PPARGC1A: variants seen among roughly 807,000 people sequenced by gnomAD.
The protein encoded by PPARGC1A is PPARG coactivator 1 alpha, also known as peroxisome proliferator-activated receptor gamma coactivator 1-alpha.
PPARGC1A carries 25 observed loss-of-function variants against 88.7 expected under a neutral mutation model. The observed-to-expected ratio is 0.28, with a 90% CI of 0.21 to 0.39. PPARGC1A has a LOEUF of 0.39. PPARGC1A is among the 10% of genes least tolerant of loss of function. The pLI is 1.00. For synonymous variants in PPARGC1A, 363 were observed against 355.6 expected (o/e 1.02, Z -0.24); for missense variants, 880 against 968.7 (o/e 0.91, Z 1.22).
At chr4:24,468,762 C>T in the PPARGC1A span, among the ~76,000 whole-genome samples, 1 of 152,096 alleles carries the variant, frequency 6.6e-6, no homozygotes, top group Admixed American at 6.5e-5. Flanking sequence ...CAAGAAGCTC[C>T]ATCTTCATTA....
At chr4:24,290,836 T>C in the PPARGC1A span, among the ~76,000 whole-genome samples, 1 of 152,206 alleles carries the variant, frequency 6.6e-6, no homozygotes, top group Admixed American at 6.5e-5. Context: ...TTGAAATCCA[T>C]CCTAGGTGAC....
chr4:23,876,389 G>A lies in PPARGC1A; in HGVS notation c.234+8363C>T, dbSNP rs115669583. On this transcript the variant is annotated intron_variant, in intron 2 of 12. Transcript: ENST00000264867. Reference sequence around the variant, plus strand: ...TCAAGAATAAAAATGAAGTATAACTGGTAGCAGTAGACTATTTCCTAAATG... The same window carrying A: ...TCAAGAATAAAAATGAAGTATAACTAGTAGCAGTAGACTATTTCCTAAATG... Among the ~76,000 whole-genome samples the A allele has an allele frequency of 8.2e-4, 125 of 152,296 alleles. 2 individuals are homozygous for A. The highest frequency in any genetic ancestry group is 2.8e-3 in the African/African-American group (115 of 41,546).
the PPARGC1A span, among the ~76,000 whole-genome samples, chr4:24,424,258 CTTTTTTTTTTTTTTTTTTT>C: frequency 1.4e-4 from 6 of 44,316 alleles, no homozygotes; most frequent in South Asian, 1.3e-3. Context: ...TATACACACA[CTTTTTTTTTTTTTTTTTTT>C]TTTTTTTTTT....
At chr4:24,135,243 G>A in the PPARGC1A span, among the ~76,000 whole-genome samples, 7 of 152,248 alleles carry the variant, frequency 4.6e-5, no homozygotes, top group Non-Finnish European at 5.9e-5. Context: ...TCTCTGTGAG[G>A]AGCCATCCTG....
the PPARGC1A span, among the ~76,000 whole-genome samples, chr4:23,913,758 T>C: frequency 6.6e-6 from 1 of 152,166 alleles, no homozygotes; most frequent in Non-Finnish European, 1.5e-5. Context: ...GGTGGGAATT[T>C]TTTTTTTCTT....
upstream of PPARGC1A, among the ~76,000 whole-genome samples, chr4:23,906,763 T>C (rs1720100485): frequency 6.6e-6 from 1 of 152,236 alleles, no homozygotes; most frequent in South Asian, 2.1e-4. Context: ...CCAACAGATA[T>C]TTTGCAGCCC....
At chr4:24,250,350 T>G in the PPARGC1A span, among the ~76,000 whole-genome samples, 1 of 152,226 alleles carries the variant, frequency 6.6e-6, no homozygotes, top group Non-Finnish European at 1.5e-5. Flanking sequence ...AAGGTAAATC[T>G]GCAAATTTAA....
intron 2 of PPARGC1A, among the ~76,000 whole-genome samples, chr4:23,847,883 A>G (rs1487901073): frequency 6.6e-6 from 1 of 152,226 alleles, no homozygotes; most frequent in Non-Finnish European, 1.5e-5. Context: ...TGAGCATTTT[A>G]TTCTTAAAAA....
the PPARGC1A span, among the ~76,000 whole-genome samples, chr4:24,349,699 G>C: frequency 0.38 from 57,985 of 152,016 alleles, 11,193 homozygotes; most frequent in Middle Eastern, 0.43. Context: ...GGCAAGAGGG[G>C]CGTGAAAACT....
At chr4:24,416,377 A>C in the PPARGC1A span, among the ~76,000 whole-genome samples, 4 of 152,164 alleles carry the variant, frequency 2.6e-5, no homozygotes, top group African/African-American at 9.7e-5. Flanking sequence ...GTGCAAAATG[A>C]ATTTGCCAGG....
chr4:24,194,729 T>C, the PPARGC1A span, among the ~76,000 whole-genome samples: 3 of 152,036 alleles, frequency 2.0e-5, no homozygotes, highest in South Asian at 6.2e-4. Flanking sequence ...GGTGCAGATA[T>C]GTCTTAAAAT....
chr4:23,829,350 GA>G, intron 4 of PPARGC1A, 112 bp downstream of exon 4: 1 of 1,139,008 alleles, frequency 8.8e-7, no homozygotes, highest in South Asian at 1.5e-5. Flanking sequence ...TCATCATTAT[GA>G]GGCAGCTTCG....
the PPARGC1A span, among the ~76,000 whole-genome samples, chr4:24,196,659 C>G: frequency 6.6e-6 from 1 of 152,174 alleles, no homozygotes; most frequent in Non-Finnish European, 1.5e-5. Context: ...GGAGGTTAAG[C>G]ATTTCCTAAG....
intron 10 of PPARGC1A, among the ~76,000 whole-genome samples, chr4:23,805,748 G>A (rs886249650): frequency 2.6e-5 from 4 of 151,970 alleles, no homozygotes; most frequent in African/African-American, 7.3e-5. Context: ...TTTTTTTAAT[G>A]AGCCTTTTAG....
chr4:24,274,511 G>C, the PPARGC1A span, among the ~76,000 whole-genome samples: 1 of 152,200 alleles, frequency 6.6e-6, no homozygotes, highest in Non-Finnish European at 1.5e-5. Context: ...AAACAAATGA[G>C]CATGGCTGCG....
the PPARGC1A span, among the ~76,000 whole-genome samples, chr4:24,240,030 A>G: frequency 6.6e-6 from 1 of 152,186 alleles, no homozygotes; most frequent in Non-Finnish European, 1.5e-5. Flanking sequence ...AAATTAAAAG[A>G]ATGCAAGGTG....
At chr4:24,012,403 C>T in the PPARGC1A span, among the ~76,000 whole-genome samples, 1 of 152,076 alleles carries the variant, frequency 6.6e-6, no homozygotes, top group African/African-American at 2.4e-5. Flanking sequence ...TTCTACTATT[C>T]ACTCTTAGCC....
rs749085820 is a variant in PPARGC1A at position 23,828,381 on chromosome 4, G to A, written c.757+19C>T. 30 of 1,602,648 alleles carry A rather than the reference G, an allele frequency of 1.9e-5. No homozygotes were observed. The Admixed American group carries it at 3.0e-4, about 16-fold the overall frequency. ...CTTCCAGTGCCCTCACCAACAGCTC[G>A]TTTTGGTCCCCAGCCTACCTTGTAA... On this transcript the variant is annotated intron_variant, in intron 5 of 12. Transcript: ENST00000264867.
At chr4:24,155,752 G>T in the PPARGC1A span, among the ~76,000 whole-genome samples, 1 of 152,142 alleles carries the variant, frequency 6.6e-6, no homozygotes, top group African/African-American at 2.4e-5. Context: ...ATTACTCTAG[G>T]TTTGACATGG....
Sources: gnomAD v4.1 joint callset for allele counts (sites outside exome capture counted in the v4.1 genomes callset) on GRCh38, gnomAD v4.1.1 for gene constraint, MANE v1.5 for transcripts, NCBI Gene and HGNC (gene_info 2026-07-23, HGNC 2026-07-21) for gene names.